The following DDX60 variants were observed in gnomAD, a reference collection of about 807,000 sequenced individuals.
DDX60 encodes DExD/H-box helicase 60, also known as probable ATP-dependent RNA helicase DDX60.
In DDX60, 165 loss-of-function variants were observed where a neutral mutation model predicts 212.8. The ratio of observed to expected loss-of-function variants is 0.78; its 90% CI spans 0.68 to 0.88. The LOEUF is 0.88. Among genes scored for constraint, DDX60 ranks in the 40% least tolerant of loss-of-function variants. The pLI is 0.00. For synonymous variants in DDX60, 703 were observed against 685.3 expected (o/e 1.03, Z -0.40); for missense variants, 1,905 against 2,003.9 (o/e 0.95, Z 0.94).
intron 30 of DDX60, among the ~76,000 whole-genome samples, chr4:168,238,594 T>C (rs1385992972): frequency 6.6e-6 from 1 of 151,944 alleles, no homozygotes; most frequent in Non-Finnish European, 1.5e-5. Context: ...TGTGGGATGA[T>C]ATTTTTGAGG....
chr4:168,269,389 G>A (rs987876030), intron 19 of DDX60, among the ~76,000 whole-genome samples: 1 of 152,102 alleles, frequency 6.6e-6, no homozygotes, highest in Non-Finnish European at 1.5e-5. Flanking sequence ...ACGAGGTCAG[G>A]AGATCGAGGC....
chr4:168,262,872 G>C, intron 22 of DDX60, 85 bp from the exon 23 acceptor site: 1 of 833,516 alleles, frequency 1.2e-6, no homozygotes, highest in Non-Finnish European at 1.8e-6. Context: ...ATAACCCAAA[G>C]ACACTGAAAG....
intron 6 of DDX60, among the ~76,000 whole-genome samples, chr4:168,297,587 T>G (rs1291608865): frequency 6.6e-6 from 1 of 151,944 alleles, no homozygotes; most frequent in African/African-American, 2.4e-5. Flanking sequence ...ATAGTGGAAA[T>G]GAAAGACAGA....
At chr4:168,315,409 A>G (rs1162011444) in intron 1 of DDX60, among the ~76,000 whole-genome samples, 1 of 152,230 alleles carries the variant, frequency 6.6e-6, no homozygotes, top group Non-Finnish European at 1.5e-5. Context: ...AATTTCACCA[A>G]CCATATATCC....
chr4:168,318,311 C>G (rs1458533140), intron 1 of DDX60, among the ~76,000 whole-genome samples: 1 of 152,240 alleles, frequency 6.6e-6, no homozygotes, highest in Non-Finnish European at 1.5e-5. Context: ...AATTTCTCCT[C>G]AACCTCCATT....
intron 25 of DDX60, among the ~76,000 whole-genome samples, chr4:168,260,492 C>T (rs1478479540): frequency 5.9e-5 from 9 of 152,114 alleles, no homozygotes; most frequent in African/African-American, 1.7e-4. Context: ...TTTGTGGCAC[C>T]GGGGACTGGT....
chr4:168,281,067 G>A (rs1187268106), intron 13 of DDX60, among the ~76,000 whole-genome samples: 1 of 152,194 alleles, frequency 6.6e-6, no homozygotes, highest in Non-Finnish European at 1.5e-5. Flanking sequence ...TTGAACCTGG[G>A]AGGCAGAGGT....
At chr4:168,256,102 C>T (rs1315257889) in intron 25 of DDX60, among the ~76,000 whole-genome samples, 1 of 146,678 alleles carries the variant, frequency 6.8e-6, no homozygotes, top group Admixed American at 6.9e-5. Context: ...CACTCCCCCC[C>T]ACCCCACCCC....
chr4:168,298,669 C>G (rs552019665), intron 6 of DDX60, among the ~76,000 whole-genome samples: 1 of 152,154 alleles, frequency 6.6e-6, no homozygotes, highest in Non-Finnish European at 1.5e-5. Context: ...ACAAGAGAGA[C>G]AGCTGGACAA....
chr4:168,310,914 G>A (rs1228293405), intron 3 of DDX60, 84 bp downstream of exon 3: 1 of 772,106 alleles, frequency 1.3e-6, no homozygotes, highest in South Asian at 1.7e-5. Flanking sequence ...ATGGTCAACT[G>A]TCTATAAATC....
chr4:168,246,115 G>C (rs1048480993), intron 30 of DDX60, among the ~76,000 whole-genome samples: 2 of 152,060 alleles, frequency 1.3e-5, no homozygotes, highest in African/African-American at 4.8e-5. Flanking sequence ...GTCACCTAGA[G>C]CTTTTTAAAT....
chr4:168,253,277 C>T (rs970317040), intron 26 of DDX60, among the ~76,000 whole-genome samples: 7 of 152,162 alleles, frequency 4.6e-5, no homozygotes, highest in African/African-American at 1.7e-4. Flanking sequence ...TCTGTTTCTC[C>T]TTGTTAAAGT....
the DDX60 span, among the ~76,000 whole-genome samples, chr4:168,325,874 T>C: frequency 4.2e-4 from 64 of 152,366 alleles, no homozygotes; most frequent in South Asian, 0.013. Context: ...TGTCATATTC[T>C]TTCCTATTTG....
intron 20 of DDX60, among the ~76,000 whole-genome samples, chr4:168,268,627 T>G (rs923335145): frequency 6.6e-6 from 1 of 152,060 alleles, no homozygotes; most frequent in South Asian, 2.1e-4. Context: ...TGGGGGAAAT[T>G]TCCTACTCAA....
At chr4:168,232,099 T>A (rs138177726) in intron 33 of DDX60, among the ~76,000 whole-genome samples, 1,920 of 151,964 alleles carry the variant, frequency 0.013, 41 homozygotes, top group African/African-American at 0.043. Flanking sequence ...AATCAAGAAC[T>A]CAGCCCCTTT....
chr4:168,308,308 T>C, intron 3 of DDX60, 113 bp from the exon 4 acceptor site: 1 of 645,380 alleles, frequency 1.5e-6, no homozygotes, highest in Non-Finnish European at 2.6e-6. Flanking sequence ...ATTTGCTGAG[T>C]TGTCTCATGG....
intron 6 of DDX60, among the ~76,000 whole-genome samples, chr4:168,296,555 C>T (rs887706556): frequency 1.9e-4 from 29 of 152,030 alleles, no homozygotes; most frequent in African/African-American, 5.6e-4. Context: ...AAAAACCCCA[C>T]TAACATGCCT....
Position 168,284,101 on chromosome 4 carries a change from T to G in DDX60, c.1562-495A>C, listed in dbSNP as rs574252376. Reference sequence around the variant, plus strand: ...CTTACTCCCTTATCTCCATAAAAACTGTAATACTCACAGTAATGAAATAAC... The same window carrying G: ...CTTACTCCCTTATCTCCATAAAAACGGTAATACTCACAGTAATGAAATAAC... On this transcript the variant is annotated intron_variant, in intron 12 of 37. Coordinates refer to ENST00000393743, the MANE Select transcript of DDX60 (RefSeq NM_017631.6). Among the ~76,000 whole-genome samples the G allele has an allele frequency of 4.6e-5, 7 of 152,268 alleles. No individual in the cohort carries two copies. In the East Asian group the frequency reaches 1.4e-3, roughly 29 times the overall value.
chr4:168,289,933 C>A (rs1736014491), intron 8 of DDX60, among the ~76,000 whole-genome samples: 1 of 152,136 alleles, frequency 6.6e-6, no homozygotes, highest in Non-Finnish European at 1.5e-5. Flanking sequence ...TCCCCAAGTC[C>A]CCCCTGTTTT....
Sources: gnomAD v4.1 joint callset for allele counts (sites outside exome capture counted in the v4.1 genomes callset) on GRCh38, gnomAD v4.1.1 for gene constraint, MANE v1.5 for transcripts, NCBI Gene and HGNC (gene_info 2026-07-23, HGNC 2026-07-21) for gene names.